The following SNTG1 variants were observed in gnomAD, a reference collection of about 807,000 sequenced individuals.
SNTG1 encodes the protein gamma-1-syntrophin.
SNTG1 carries 39 observed loss-of-function variants against 74.7 expected under a neutral mutation model. The observed-to-expected ratio is 0.52, with a 90% CI of 0.40 to 0.68. The LOEUF (loss-of-function observed/expected upper bound fraction) is 0.68, where lower values mean the gene tolerates loss of function less well. Among genes scored for constraint, SNTG1 ranks in the 30% least tolerant of loss-of-function variants. SNTG1 has a pLI of 0.00. For missense variants in SNTG1, 685 were observed against 609.5 expected (o/e 1.12, Z -1.30); for synonymous variants, 254 against 217.1 (o/e 1.17, Z -1.49).
At chr8:50,550,697 A>ATATATATATATATATATATG (rs1563561472) in intron 11 of SNTG1, among the ~76,000 whole-genome samples, 100 of 149,882 alleles carry the variant, frequency 6.7e-4, no homozygotes, top group African/African-American at 2.4e-3. Context: ...GTGTGTGTAT[A>ATATATATATATATATATATG]TATATATATA....
intron 11 of SNTG1, among the ~76,000 whole-genome samples, chr8:50,550,511 T>A (rs749844756): frequency 1.6e-4 from 25 of 152,184 alleles, no homozygotes; most frequent in Non-Finnish European, 2.9e-4. Flanking sequence ...CAAGGAAGAC[T>A]AAATTTGTAT....
At chr8:50,594,798 T>C (rs1167325357) in intron 13 of SNTG1, among the ~76,000 whole-genome samples, 2 of 152,050 alleles carry the variant, frequency 1.3e-5, no homozygotes, top group East Asian at 1.9e-4. Flanking sequence ...TTAACAAATA[T>C]GGAAATTCAC....
intron 2 of SNTG1, among the ~76,000 whole-genome samples, chr8:50,256,441 A>C (rs2086886982): frequency 6.6e-6 from 1 of 151,908 alleles, no homozygotes; most frequent in Non-Finnish European, 1.5e-5. Context: ...CTTATTAATC[A>C]TAACACCATT....
intron 1 of SNTG1, among the ~76,000 whole-genome samples, chr8:50,078,377 G>A (rs145067042): frequency 7.2e-5 from 11 of 151,810 alleles, no homozygotes; most frequent in Admixed American, 2.0e-4. Context: ...CCTTCTTCCC[G>A]GCATTCCATG....
At position 50,419,780 on chromosome 8, in the gene SNTG1, T is replaced by G. The variant is rs570542654; in HGVS notation, c.162+17436T>G. 1.1e-4 allele frequency among the ~76,000 whole-genome samples: 16 copies of G among 152,248 alleles called. No homozygotes were observed. In the South Asian group the frequency reaches 3.3e-3, roughly 32 times the overall value. On this transcript the variant is annotated intron_variant, in intron 4 of 18. Coordinates refer to ENST00000642720, the MANE Select transcript of SNTG1 (RefSeq NM_018967.5). ...AATGTTAAAATAGCAGTCATAAAAT[T>G]GCTATATATTAGTTACAAACACCAT...
intron 17 of SNTG1, among the ~76,000 whole-genome samples, chr8:50,735,039 A>G (rs2095524720): frequency 6.6e-6 from 1 of 150,470 alleles, no homozygotes; most frequent in Non-Finnish European, 1.5e-5. Context: ...AAACAATTTT[A>G]CAATTCAGTG....
At chr8:50,568,277 T>C (rs1317369038) in intron 12 of SNTG1, among the ~76,000 whole-genome samples, 1 of 151,968 alleles carries the variant, frequency 6.6e-6, no homozygotes, top group Non-Finnish European at 1.5e-5. Flanking sequence ...CATCTATCTA[T>C]CTACCATTGT....
At chr8:50,205,320 A>G (rs943273994) in intron 2 of SNTG1, among the ~76,000 whole-genome samples, 11 of 152,002 alleles carry the variant, frequency 7.2e-5, no homozygotes, top group South Asian at 4.1e-4. Flanking sequence ...CTGATGGCCA[A>G]TGATGATGAA....
chr8:49,910,773 A>C (rs1480485261), upstream of SNTG1: 1 of 152,292 alleles, frequency 6.6e-6, no homozygotes, highest in Non-Finnish European at 1.5e-5. Flanking sequence ...AAAAAAAACA[A>C]CGTAAATTGG....
At chr8:50,151,237 T>C (rs747495848) in intron 1 of SNTG1, among the ~76,000 whole-genome samples, 1 of 152,196 alleles carries the variant, frequency 6.6e-6, no homozygotes, top group Non-Finnish European at 1.5e-5. Context: ...AGTTTGTATT[T>C]CTGTGGAATT....
intron 1 of SNTG1, among the ~76,000 whole-genome samples, chr8:50,118,527 G>A (rs1395924323): frequency 1.4e-5 from 2 of 144,022 alleles, no homozygotes; most frequent in African/African-American, 5.0e-5. Context: ...GAAGCAAAGA[G>A]GATGTTAGTT....
intron 2 of SNTG1, among the ~76,000 whole-genome samples, chr8:50,348,822 A>G (rs1429438785): frequency 2.6e-5 from 4 of 152,212 alleles, no homozygotes; most frequent in African/African-American, 9.6e-5. Flanking sequence ...TATTTCCATC[A>G]TCATGTCTAT....
rs141112975 is a variant in SNTG1 at position 50,713,873 on chromosome 8, C to T, written c.1284+4895C>T. 2.9e-3 allele frequency among the ~76,000 whole-genome samples: 448 copies of T among 152,122 alleles called. 3 individuals are homozygous for T. Among genetic ancestry groups the T allele is most frequent in the African/African-American group, 0.01 (433 of 41,516 alleles). On this transcript the variant is annotated intron_variant, in intron 17 of 18. Coordinates refer to ENST00000642720, the MANE Select transcript of SNTG1 (RefSeq NM_018967.5). ...AAGAGTTTAAGACCAGCATGACCAA[C>T]ATAATGAAACCTTGCCTCTACTAAA...
intron 1 of SNTG1, among the ~76,000 whole-genome samples, chr8:49,954,686 T>A (rs1407041677): frequency 1.3e-5 from 2 of 152,196 alleles, no homozygotes; most frequent in African/African-American, 4.8e-5. Flanking sequence ...CAGAGACTGA[T>A]GACAAAGCTT....
chr8:50,111,440 T>C (rs2080585307), intron 1 of SNTG1, among the ~76,000 whole-genome samples: 6 of 152,102 alleles, frequency 3.9e-5, no homozygotes, highest in Admixed American at 3.9e-4. Context: ...TCCCTCTTCT[T>C]CTCATTCTTC....
intron 2 of SNTG1, among the ~76,000 whole-genome samples, chr8:50,211,332 T>G (rs976237717): frequency 6.6e-6 from 1 of 152,150 alleles, no homozygotes; most frequent in Non-Finnish European, 1.5e-5. Context: ...ATCTGGCTTT[T>G]GAAGTGATTT....
intron 1 of SNTG1, among the ~76,000 whole-genome samples, chr8:50,142,143 T>C (rs2081681856): frequency 6.6e-6 from 1 of 152,120 alleles, no homozygotes; most frequent in Non-Finnish European, 1.5e-5. Context: ...TATTTTATAG[T>C]ATAGCTGTAA....
chr8:50,491,639 G>A (rs538052893), intron 8 of SNTG1, among the ~76,000 whole-genome samples: 1 of 152,244 alleles, frequency 6.6e-6, no homozygotes, highest in African/African-American at 2.4e-5. Flanking sequence ...GCTTAGAGGG[G>A]CACCCAGCGC....
intron 8 of SNTG1, among the ~76,000 whole-genome samples, chr8:50,464,497 A>C (rs1051890134): frequency 6.6e-6 from 1 of 152,126 alleles, no homozygotes; most frequent in African/African-American, 2.4e-5. Flanking sequence ...AGAGAGGGAG[A>C]GAAATGGGGA....
Sources: gnomAD v4.1 joint callset for allele counts (sites outside exome capture counted in the v4.1 genomes callset) on GRCh38, gnomAD v4.1.1 for gene constraint, MANE v1.5 for transcripts, NCBI Gene and HGNC (gene_info 2026-07-23, HGNC 2026-07-21) for gene names.